GABRA2: variants seen among roughly 807,000 people sequenced by gnomAD.
GABRA2 encodes the protein gamma-aminobutyric acid type A receptor subunit alpha2, also known as gamma-aminobutyric acid receptor subunit alpha-2.
A neutral mutation model predicts 48.7 loss-of-function variants in GABRA2; 16 were observed. The observed-to-expected ratio is 0.33, with a 90% CI of 0.22 to 0.50. GABRA2 has a LOEUF of 0.50. GABRA2 is among the 20% of genes least tolerant of loss of function. The probability of loss-of-function intolerance (pLI) is 0.98; values close to 1 mark genes in which losing one functional copy is unlikely to be tolerated. For missense variants in GABRA2, 275 were observed against 535.6 expected (o/e 0.51, Z 4.80); for synonymous variants, 185 against 184.5 (o/e 1.00, Z -0.02).
intron 9 of GABRA2, among the ~76,000 whole-genome samples, chr4:46,257,158 T>C (rs1716001568): frequency 6.6e-6 from 1 of 151,644 alleles, no homozygotes; most frequent in Non-Finnish European, 1.5e-5. Context: ...ATAACTATAA[T>C]GTAATGAGAT....
chr4:46,285,922 TA>T (rs1166100270), intron 8 of GABRA2, among the ~76,000 whole-genome samples: 1 of 152,156 alleles, frequency 6.6e-6, no homozygotes, highest in Non-Finnish European at 1.5e-5. Context: ...TTCAGTGCTA[TA>T]TTTTAAGCTC....
chr4:46,335,816 C>T (rs1350685240), intron 3 of GABRA2, among the ~76,000 whole-genome samples: 2 of 152,088 alleles, frequency 1.3e-5, no homozygotes, highest in African/African-American at 4.8e-5. Context: ...TGACTCAGAG[C>T]CTTCAAAATG....
chr4:46,368,971 G>T (rs1029209306), intron 3 of GABRA2: 6 of 699,958 alleles, frequency 8.6e-6, no homozygotes, highest in Non-Finnish European at 1.0e-5. Flanking sequence ...GCTCTTGAAG[G>T]CTATGTTACA....
intron 4 of GABRA2, among the ~76,000 whole-genome samples, chr4:46,323,362 C>T (rs935287451): frequency 6.6e-6 from 1 of 151,742 alleles, no homozygotes; most frequent in Non-Finnish European, 1.5e-5. Flanking sequence ...ACTGTTTTTC[C>T]ATTGTGTAGC....
In GABRA2 at chr4:46,243,564, T is replaced by C. The variant is rs1367446911; in HGVS notation, c.*6744A>G. 1 of 151,634 alleles carries C rather than the reference T, an allele frequency of 6.6e-6. No homozygotes were observed. The highest frequency in any genetic ancestry group is 2.4e-5 in the African/African-American group (1 of 41,428). The allele number at this position is 151,634 out of a possible 1,614,324, so 9.4% of individuals were successfully genotyped here. ...CAGAGCAAATATATTTAAATCATTTTTAATAAATACAAAAAAGTTGTTTAG... is the reference window on the plus strand; with the variant it reads ...CAGAGCAAATATATTTAAATCATTTCTAATAAATACAAAAAAGTTGTTTAG... On this transcript the variant is annotated 3_prime_UTR_variant, in exon 10 of 10. Coordinates refer to ENST00000381620, the MANE Select transcript of GABRA2 (RefSeq NM_000807.4).
At chr4:46,266,852 G>A (rs769790975) in intron 8 of GABRA2, among the ~76,000 whole-genome samples, 3 of 150,064 alleles carry the variant, frequency 2.0e-5, no homozygotes, top group African/African-American at 4.9e-5. Context: ...CTCCCGAGTA[G>A]TTGGGATTAC....
At chr4:46,263,120 T>C (rs1237592114) in intron 8 of GABRA2, among the ~76,000 whole-genome samples, 1 of 152,042 alleles carries the variant, frequency 6.6e-6, no homozygotes, top group Non-Finnish European at 1.5e-5. Flanking sequence ...TATGTGTATA[T>C]ACATACAATA....
intron 1 of GABRA2, 97 bp from the exon 2 acceptor site, chr4:46,388,813 T>A: frequency 6.4e-7 from 1 of 1,569,918 alleles, no homozygotes; most frequent in Non-Finnish European, 8.6e-7. Flanking sequence ...TAGTTAGGGA[T>A]TCGTGTTAAA....
chr4:46,301,219 G>T (rs1046950650), intron 8 of GABRA2, among the ~76,000 whole-genome samples: 1 of 152,080 alleles, frequency 6.6e-6, no homozygotes, highest in African/African-American at 2.4e-5. Context: ...CTTTGATGGT[G>T]GTGATAGTTT....
At chr4:46,364,437 T>A (rs1713719993) in intron 3 of GABRA2, 1 of 152,210 alleles carries the variant, frequency 6.6e-6, no homozygotes, top group Admixed American at 6.5e-5. Context: ...TAGCACATAG[T>A]TCTGTAGGTC....
intron 3 of GABRA2, among the ~76,000 whole-genome samples, chr4:46,352,137 T>C (rs1242692269): frequency 1.3e-5 from 2 of 152,152 alleles, no homozygotes; most frequent in East Asian, 3.9e-4. Flanking sequence ...ACTCAGAACG[T>C]GGGACGGTTA....
In GABRA2 at chr4:46,312,528, A is replaced by G; in HGVS notation, c.444T>C (p.Ile148=). ...TATACAGCAGAGTCCCATCATCCTG[A>G]ATTCGAAGCAACTTATTTGGCATTG... The part of the protein sequence containing the change: ...NMTMPNKLLR[I]QDDGTLLYTM... Residue 148 remains isoleucine, a synonymous_variant, in exon 5 of 10, where the codon ATT becomes ATC. Transcript: ENST00000381620. 1 of 1,607,104 alleles carries G rather than the reference A, an allele frequency of 6.2e-7. No individual in the cohort carries two copies. The highest frequency in any genetic ancestry group is 8.5e-7 in the Non-Finnish European group (1 of 1,177,204).
Position 46,248,502 on chromosome 4 carries a change from G to A in GABRA2, c.*1806C>T, listed in dbSNP as rs1266452729. The A allele has an allele frequency of 2.0e-5, 3 of 151,294 alleles. No homozygotes were observed. Among genetic ancestry groups the A allele is most frequent in the African/African-American group, 4.8e-5 (2 of 41,320 alleles). 9.4% of individuals were successfully genotyped at this position (151,294 alleles called of 1,614,324 possible). ...AGGATTATGGATTACCTCTTGTGAG[G>A]GAATTTTTAATGTCAAGGCTGTCTT... On this transcript the variant is annotated 3_prime_UTR_variant, in exon 10 of 10. Transcript: ENST00000381620.
At chr4:46,388,576 G>A in intron 2 of GABRA2, 60 bp downstream of exon 2, 1 of 1,579,896 alleles carries the variant, frequency 6.3e-7, no homozygotes, top group Non-Finnish European at 8.7e-7. Context: ...AGCATTAATG[G>A]CCTACAAGAA....
intron 8 of GABRA2, among the ~76,000 whole-genome samples, chr4:46,286,933 A>C (rs1428185902): frequency 1.3e-5 from 2 of 152,186 alleles, no homozygotes; most frequent in African/African-American, 4.8e-5. Flanking sequence ...TTTGATACAC[A>C]AAAGTTTTTT....
intron 3 of GABRA2, among the ~76,000 whole-genome samples, chr4:46,354,891 C>T (rs543988953): frequency 2.0e-5 from 3 of 152,180 alleles, no homozygotes; most frequent in African/African-American, 7.2e-5. Context: ...AATTTGTCAT[C>T]CAGTTTTGCC....
chr4:46,345,703 T>C (rs1426148200), intron 3 of GABRA2, among the ~76,000 whole-genome samples: 1 of 151,880 alleles, frequency 6.6e-6, no homozygotes, highest in Non-Finnish European at 1.5e-5. Flanking sequence ...TAGTCCCTCC[T>C]GCTACCATTT....
At chr4:46,357,495 G>T (rs1736186615) in intron 3 of GABRA2, among the ~76,000 whole-genome samples, 1 of 149,182 alleles carries the variant, frequency 6.7e-6, no homozygotes. Context: ...GTATAACCTT[G>T]GCCAATTTAT....
At chr4:46,336,996 A>G (rs931825012) in intron 3 of GABRA2, among the ~76,000 whole-genome samples, 5 of 152,120 alleles carry the variant, frequency 3.3e-5, no homozygotes, top group African/African-American at 1.2e-4. Flanking sequence ...TAACAATAAA[A>G]CTTCTTATAA....
Sources: allele counts gnomAD v4.1 joint callset (sites outside exome capture counted in the v4.1 genomes callset), GRCh38; gene constraint gnomAD v4.1.1; transcripts MANE v1.5; gene names NCBI Gene and HGNC (gene_info 2026-07-23, HGNC 2026-07-21).